Variants in DNTT observed in about 807,000 individuals in gnomAD.
The protein encoded by DNTT is DNA nucleotidylexotransferase, also known as nucleosidetriphosphate:DNA deoxynucleotidylexotransferase.
DNTT carries 47 observed loss-of-function variants against 60.9 expected under a neutral mutation model. That is an observed-to-expected ratio of 0.77 (90% confidence interval 0.61 to 0.98). The LOEUF (loss-of-function observed/expected upper bound fraction) is 0.98. DNTT is among the 50% of genes least tolerant of loss of function. The pLI is 0.00. For missense variants in DNTT, 665 were observed against 627.5 expected, an observed-to-expected ratio of 1.06 and a Z score of -0.64; for synonymous variants, 224 against 221.2, an observed-to-expected ratio of 1.01 and a Z score of -0.11.
intron 2 of DNTT, among the ~76,000 whole-genome samples, chr10:96,319,054 G>T (rs1844829347): frequency 6.6e-6 from 1 of 152,096 alleles, no homozygotes; most frequent in African/African-American, 2.4e-5. Flanking sequence ...ATATTTAATT[G>T]ATAGGTCTTT....
chr10:96,329,954 G>A (rs546606785), intron 8 of DNTT, among the ~76,000 whole-genome samples: 1 of 152,342 alleles, frequency 6.6e-6, no homozygotes, highest in Admixed American at 6.5e-5. Context: ...GGGAAGGATG[G>A]AGAGGTGGGG....
At chr10:96,333,713 C>T (rs1036322100) in intron 9 of DNTT, among the ~76,000 whole-genome samples, 2 of 152,164 alleles carry the variant, frequency 1.3e-5, no homozygotes, top group African/African-American at 2.4e-5. Context: ...ATAAGTCAGG[C>T]ACAGAGAGAC....
intron 8 of DNTT, among the ~76,000 whole-genome samples, chr10:96,330,296 T>C (rs1844990983): frequency 6.8e-6 from 1 of 148,014 alleles, no homozygotes; most frequent in Non-Finnish European, 1.5e-5. Flanking sequence ...AGTTTACTGT[T>C]AGGAATCCAG....
chr10:96,308,597 C>T (rs760943624), intron 1 of DNTT, among the ~76,000 whole-genome samples: 2 of 152,162 alleles, frequency 1.3e-5, no homozygotes, highest in Non-Finnish European at 2.9e-5. Context: ...TAGTGTCACT[C>T]GAGTCCATGT....
At position 96,304,521 on chromosome 10, in the gene DNTT, C is replaced by A; in HGVS notation, c.24C>A (p.His8Gln). The change falls in exon 1 of 11, where the codon CAC becomes CAA. Residue 8 changes from histidine (H) to glutamine (Q), a missense_variant. By Grantham distance (24) the His-to-Gln change is conservative. Coordinates refer to ENST00000371174, the MANE Select transcript of DNTT (RefSeq NM_004088.4). MDPPRASHLSPRKKRPRQ... is the reference protein window; with the variant it reads MDPPRASQLSPRKKRPRQ... ...CCATGGATCCACCACGAGCGTCCCACTTGAGCCCTCGGAAGAAGAGACCCC... is the reference window on the plus strand; with the variant it reads ...CCATGGATCCACCACGAGCGTCCCAATTGAGCCCTCGGAAGAAGAGACCCC... 6.2e-7 allele frequency: 1 copy of A among 1,613,950 alleles called. No homozygotes were observed. Among genetic ancestry groups the A allele is most frequent in the Non-Finnish European group, 8.5e-7 (1 of 1,180,010 alleles).
intron 1 of DNTT, among the ~76,000 whole-genome samples, chr10:96,307,758 C>A (rs1376555379): frequency 1.2e-5 from 1 of 82,180 alleles, no homozygotes; most frequent in Non-Finnish European, 2.4e-5. Flanking sequence ...TGTGTGTGTG[C>A]ATATATATAT....
At chr10:96,314,476 A>G (rs905840684) in intron 1 of DNTT, among the ~76,000 whole-genome samples, 1 of 128,680 alleles carries the variant, frequency 7.8e-6, no homozygotes, top group Non-Finnish European at 1.6e-5. Flanking sequence ...GTAGTGGCAC[A>G]ATCTCAACTC....
In DNTT at chr10:96,335,952, A is replaced by C. The variant is rs780263171; in HGVS notation, c.1421A>C (p.His474Pro). 5 of 1,614,206 alleles carry C rather than the reference A, an allele frequency of 3.1e-6. No individual in the cohort carries two copies. The highest frequency in any genetic ancestry group is 1.1e-5 in the South Asian group (1 of 91,090). Residue 474 changes from histidine to proline, a missense_variant, in exon 10 of 11, where the codon CAT becomes CCT. Physicochemically the swap from His to Pro is moderately conservative, Grantham distance 77. Transcript: ENST00000371174. ...THERKMILDN[H>P]ALYDKTKRIF... Reference sequence around the variant, plus strand: ...GAGCGGAAGATGATTCTGGATAACCATGCTTTATATGACAAGACCAAGGTA... The same window carrying C: ...GAGCGGAAGATGATTCTGGATAACCCTGCTTTATATGACAAGACCAAGGTA...
chr10:96,321,422 A>G (rs57638869), intron 4 of DNTT, among the ~76,000 whole-genome samples: 4 of 152,082 alleles, frequency 2.6e-5, no homozygotes, highest in Non-Finnish European at 5.9e-5. Flanking sequence ...GAGCATGTGC[A>G]GTGTGTCTAC....
intron 3 of DNTT, 78 bp from the exon 4 acceptor site, chr10:96,320,540 A>G: frequency 6.6e-7 from 1 of 1,525,946 alleles, no homozygotes; most frequent in Non-Finnish European, 8.9e-7. Flanking sequence ...TTTAAAGGAG[A>G]GCAAGAGGCG....
At chr10:96,332,627 T>C in intron 9 of DNTT, 31 bp downstream of exon 9, 7 of 1,605,226 alleles carry the variant, frequency 4.4e-6, no homozygotes, top group Non-Finnish European at 6.0e-6. Flanking sequence ...TGGGATGATG[T>C]TAGCTTTCTG....
At chr10:96,324,549 T>A (rs956937243) in intron 6 of DNTT, among the ~76,000 whole-genome samples, 160 bp downstream of exon 6, 3 of 152,240 alleles carry the variant, frequency 2.0e-5, no homozygotes, top group Non-Finnish European at 4.4e-5. Context: ...AGTTTCCAGC[T>A]GTGTGATCTT....
chr10:96,327,169 G>T (rs1228544942), intron 6 of DNTT, among the ~76,000 whole-genome samples: 3 of 152,218 alleles, frequency 2.0e-5, no homozygotes, highest in African/African-American at 4.8e-5. Flanking sequence ...GATCAAGAAG[G>T]CTGGTTCTTC....
intron 6 of DNTT, among the ~76,000 whole-genome samples, chr10:96,324,649 A>G (rs1409219704): frequency 6.6e-6 from 1 of 152,344 alleles, no homozygotes; most frequent in East Asian, 1.9e-4. Flanking sequence ...CAATCAGATA[A>G]TGCAGGCAAT....
At chr10:96,333,669 A>G (rs978405433) in intron 9 of DNTT, among the ~76,000 whole-genome samples, 4 of 152,374 alleles carry the variant, frequency 2.6e-5, no homozygotes, top group African/African-American at 9.6e-5. Context: ...TTGAGACAAC[A>G]TGGTTGAACC....
intron 6 of DNTT, 90 bp downstream of exon 6, chr10:96,324,479 G>C (rs1023665125): frequency 1.3e-6 from 2 of 1,544,682 alleles, no homozygotes; most frequent in East Asian, 2.3e-5. Flanking sequence ...CTCCAATCTG[G>C]GAGAGCTGGG....
chr10:96,308,839 T>C (rs1010320111), intron 1 of DNTT, among the ~76,000 whole-genome samples: 2 of 151,976 alleles, frequency 1.3e-5, no homozygotes, highest in Non-Finnish European at 2.9e-5. Flanking sequence ...TTCTTAAGGG[T>C]GGGGGAGATT....
At position 96,330,276 on chromosome 10, in the gene DNTT, A is replaced by C. The variant is rs1462679660; in HGVS notation, c.1113+1446A>C. Among the ~76,000 whole-genome samples the C allele has an allele frequency of 3.4e-5, 5 of 148,310 alleles. No individual in the cohort carries two copies. In the South Asian group the frequency reaches 1.1e-3, roughly 32 times the overall value. On this transcript the variant is annotated intron_variant, in intron 8 of 10. Transcript: ENST00000371174. ...AGAATGGCCCATTTCTCTCTTACCC[A>C]CCAAGTGACAGTTTACTGTTAGGAA...
rs1477621300 is a variant in DNTT, at chr10:96,335,120, C to T, written c.1360-771C>T. Among the ~76,000 whole-genome samples the T allele has an allele frequency of 7.9e-5, 12 of 152,306 alleles. No homozygotes were observed. The South Asian group carries it at 2.3e-3, about 29-fold the overall frequency. On this transcript the variant is annotated intron_variant, in intron 9 of 10. Coordinates refer to ENST00000371174, the MANE Select transcript of DNTT (RefSeq NM_004088.4). ...GGGCACCAGTATCCCAGGCTTGCTC[C>T]CTACTCCCACATGAAGAGGACAAAA...
Sources: allele counts gnomAD v4.1 joint callset (sites outside exome capture counted in the v4.1 genomes callset), GRCh38; gene constraint gnomAD v4.1.1; transcripts MANE v1.5; gene names NCBI Gene and HGNC (gene_info 2026-07-23, HGNC 2026-07-21).